CACNA1G: variants seen among roughly 807,000 people sequenced by gnomAD.
CACNA1G encodes calcium voltage-gated channel subunit alpha1 G.
Under a neutral mutation model 219.4 loss-of-function variants are expected in CACNA1G, and 67 were observed. That is an observed-to-expected ratio of 0.31 (90% CI 0.25 to 0.37). The LOEUF (loss-of-function observed/expected upper bound fraction) is 0.37. Ranked by LOEUF, CACNA1G falls within the 10% of genes least tolerant of loss-of-function variation. The pLI, the probability that CACNA1G is intolerant of heterozygous loss-of-function variation, is 1.00. For missense variants in CACNA1G, 2,380 were observed against 3,231.4 expected, an observed-to-expected ratio of 0.74 and a Z score of 6.39; for synonymous variants, 1,296 against 1,345.3, an observed-to-expected ratio of 0.96 and a Z score of 0.80.
At chr17:50,615,235 G>T in intron 26 of CACNA1G, 126 bp from the exon 27 acceptor site, 1 of 963,654 alleles carries the variant, frequency 1.0e-6, no homozygotes, top group East Asian at 2.8e-5. Context: ...GGAGGGCGAG[G>T]ATGGTGATGA....
chr17:50,595,497 C>A (rs1340685418), intron 14 of CACNA1G, among the ~76,000 whole-genome samples: 1 of 152,274 alleles, frequency 6.6e-6, no homozygotes, highest in East Asian at 1.9e-4. Flanking sequence ...GCCCCAGGCC[C>A]CTGTTGGAGA....
intron 26 of CACNA1G, among the ~76,000 whole-genome samples, chr17:50,613,583 C>T (rs918168127): frequency 6.6e-6 from 1 of 152,240 alleles, no homozygotes. Context: ...GCAACTCTCC[C>T]AGCCTCTCCT....
intron 26 of CACNA1G, among the ~76,000 whole-genome samples, chr17:50,615,146 G>A (rs1403786580): frequency 6.6e-6 from 1 of 152,152 alleles, no homozygotes; most frequent in Non-Finnish European, 1.5e-5. Flanking sequence ...GATCCATCCT[G>A]CCCTCAACTG....
rs2044317484 is a variant in CACNA1G at position 50,591,424 on chromosome 17, C to G, written c.2454-11C>G. 6.5e-7 allele frequency: 1 copy of G among 1,540,318 alleles called. No individual in the cohort carries two copies. The highest frequency in any genetic ancestry group is 8.7e-7 in the Non-Finnish European group (1 of 1,144,638). ...GGTGCAGGGGGCTCAGGCTGCCTGCCCCCTTTGCAGCGTGTGGGAGATCGT... is the reference window on the plus strand; with the variant it reads ...GGTGCAGGGGGCTCAGGCTGCCTGCGCCCTTTGCAGCGTGTGGGAGATCGT... On this transcript the variant is annotated splice_polypyrimidine_tract_variant and intron_variant, in intron 10 of 37. Coordinates refer to ENST00000359106, the MANE Select transcript of CACNA1G (RefSeq NM_018896.5).
At chr17:50,583,682 T>TGGGGGGGGGGGGGGGGGGGGGG (rs1568030686) in intron 9 of CACNA1G, among the ~76,000 whole-genome samples, 1 of 43,998 alleles carries the variant, frequency 2.3e-5, no homozygotes, top group Non-Finnish European at 4.8e-5. Flanking sequence ...AGGTGGGAGA[T>TGGGGGGGGGGGGGGGGGGGGGG]GGAGGGGTGG....
intron 19 of CACNA1G, 35 bp from the exon 20 acceptor site, chr17:50,602,785 C>T: frequency 6.2e-7 from 1 of 1,607,074 alleles, no homozygotes; most frequent in Non-Finnish European, 8.5e-7. Flanking sequence ...GTGGGGGCTT[C>T]CTGGCGGGCA....
Position 50,578,155 on chromosome 17 carries a change from C to G in CACNA1G, c.1925-33C>G, listed in dbSNP as rs991451794. The G allele has an allele frequency of 6.6e-6, 10 of 1,515,082 alleles. No individual in the cohort carries two copies. Among genetic ancestry groups the G allele is most frequent in the Non-Finnish European group, 8.8e-6 (10 of 1,134,526 alleles). The allele number at this position is 1,515,082 out of a possible 1,614,324, so 93.9% of individuals were successfully genotyped here. A position where few individuals can be genotyped will look rare whatever the true frequency, so the allele number is the denominator to read the frequency against. ...GCAGGGTAGCCCCAGGTACGAGACT[C>G]TGGAGCCTCTCACCTCTACTCTCCT... On this transcript the variant is annotated intron_variant, in intron 8 of 37. Transcript: ENST00000359106. The surrounding 1 kb of genome is among the most constrained non-coding windows in gnomAD (Gnocchi z 4.5).
intron 34 of CACNA1G, among the ~76,000 whole-genome samples, chr17:50,620,889 G>A (rs1372477041): frequency 1.3e-5 from 2 of 152,242 alleles, no homozygotes; most frequent in Admixed American, 6.5e-5. Flanking sequence ...AAGAGGACAC[G>A]ATGGGAAGGT....
In CACNA1G at chr17:50,618,366, G is replaced by C. The variant is rs762027169; in HGVS notation, c.5427+23G>C. 5.0e-6 allele frequency: 8 copies of C among 1,608,150 alleles called. No homozygotes were observed. Among genetic ancestry groups the C allele is most frequent in the Non-Finnish European group, 6.8e-6 (8 of 1,175,930 alleles). ...AAGGTAAGGGCCCAGGGTTGGCCTA[G>C]GCTCCAGGGAGGCAGCCCCACTTCC... On this transcript the variant is annotated intron_variant, in intron 32 of 37. Coordinates refer to ENST00000359106, the MANE Select transcript of CACNA1G (RefSeq NM_018896.5). The surrounding 1 kb of genome is among the most constrained non-coding windows in gnomAD (Gnocchi z 5.3).
At position 50,599,745 on chromosome 17, in the gene CACNA1G, T is replaced by C. The variant is rs752727938; in HGVS notation, c.3576T>C (p.Ser1192=). The C allele has an allele frequency of 2.5e-6, 4 of 1,613,662 alleles. No homozygotes were observed. In the South Asian group the frequency reaches 4.4e-5, roughly 18 times the overall value. Reference sequence around the variant, plus strand: ...ATCGCACTGCCAGTGGCCGAGGGTCTGCTTCTGAGCACCAGGACTGCAATG... The same window carrying C: ...ATCGCACTGCCAGTGGCCGAGGGTCCGCTTCTGAGCACCAGGACTGCAATG... ...GLHRTASGRG[S]ASEHQDCNGK... is the part of the protein sequence containing the mutation. Residue 1192 remains serine (S), a synonymous_variant, in exon 17 of 38, where the codon TCT becomes TCC. Coordinates refer to ENST00000359106, the MANE Select transcript of CACNA1G (RefSeq NM_018896.5).
At chr17:50,563,198 C>T (rs536518621) in intron 1 of CACNA1G, 2 of 152,418 alleles carry the variant, frequency 1.3e-5, no homozygotes, top group Admixed American at 6.5e-5. Context: ...TCCTCTACAC[C>T]TTGTGGGTCT....
At chr17:50,574,289 A>C (rs1375060713) in intron 7 of CACNA1G, among the ~76,000 whole-genome samples, 1 of 152,240 alleles carries the variant, frequency 6.6e-6, no homozygotes, top group Non-Finnish European at 1.5e-5. Context: ...ATTGAGAGAA[A>C]GAGATTAAGA....
At chr17:50,590,417 G>A in intron 9 of CACNA1G, 54 bp from the exon 10 acceptor site, 1 of 1,601,828 alleles carries the variant, frequency 6.2e-7, no homozygotes, top group Non-Finnish European at 8.5e-7. Flanking sequence ...TGGAGGACTG[G>A]ATCGAGGGGC....
Position 50,624,463 on chromosome 17 carries a change from G to C in CACNA1G, c.6333G>C (p.Trp2111Cys). 1 of 1,601,198 alleles carries C rather than the reference G, an allele frequency of 6.2e-7. No individual in the cohort carries two copies. The highest frequency in any genetic ancestry group is 8.5e-7 in the Non-Finnish European group (1 of 1,174,604). The stretch of plus-strand genomic sequence containing the variant: ...TCCAGCCCCACAGCGCCCCAACCTG[G>C]GGCACCATCCCCAAACTGCCCCCAC... ...HLLQPHSAPTWGTIPKLPPPG... is the reference protein window; with the variant it reads ...HLLQPHSAPTCGTIPKLPPPG... Residue 2111 changes from tryptophan (W) to cysteine (C), a missense_variant, in exon 37 of 38, where the codon TGG becomes TGC. Physicochemically the swap from Trp to Cys is radical, Grantham distance 215. Around this residue, in one of 17 missense-constraint regions of CACNA1G, gnomAD observed 672 missense variants for 670.5 expected, o/e 1.00. Transcript: ENST00000359106.
At chr17:50,625,041 C>T (rs1397523604) in intron 37 of CACNA1G, among the ~76,000 whole-genome samples, 3 of 151,868 alleles carry the variant, frequency 2.0e-5, no homozygotes, top group Non-Finnish European at 2.9e-5. Flanking sequence ...CAACCTCCGC[C>T]TCCTGGGTTC....
In CACNA1G at chr17:50,603,963, T is replaced by C. The variant is rs1206502947; in HGVS notation, c.4170-192T>C. Among the ~76,000 whole-genome samples the C allele has an allele frequency of 6.6e-6, 1 of 152,206 alleles. No individual in the cohort carries two copies. ...GGTGGAGATGTGGGGCATGGGGATC[T>C]CTGCCACTTGTTTTGAGAGATTACA... On this transcript the variant is annotated intron_variant, in intron 21 of 37. Coordinates refer to ENST00000359106, the MANE Select transcript of CACNA1G (RefSeq NM_018896.5). The surrounding 1 kb of genome is among the most constrained non-coding windows in gnomAD (Gnocchi z 6.4).
chr17:50,622,542 T>C (rs1312508652), intron 35 of CACNA1G, among the ~76,000 whole-genome samples: 8 of 152,028 alleles, frequency 5.3e-5, no homozygotes, highest in Admixed American at 5.2e-4. Flanking sequence ...AGCCTGGGGC[T>C]GAGAGGGGAA....
intron 34 of CACNA1G, 31 bp downstream of exon 34, chr17:50,619,857 CCTGACCGTGCTGGGCTGTGCCACG>C: frequency 6.3e-7 from 1 of 1,579,060 alleles, no homozygotes; most frequent in Non-Finnish European, 8.6e-7. Context: ...TGCCCTCTCC[CCTGACCGTGCTGGGCTGTGCCACG>C]CTGTGCCATG....
chr17:50,613,452 G>T (rs1306250073), intron 26 of CACNA1G, among the ~76,000 whole-genome samples: 3 of 152,092 alleles, frequency 2.0e-5, no homozygotes, highest in African/African-American at 7.2e-5. Context: ...GAGGGTCCCG[G>T]CTGAATTGAA....
Sources: gnomAD v4.1 joint callset for allele counts (sites outside exome capture counted in the v4.1 genomes callset) on GRCh38, gnomAD v4.1.1 for gene constraint, gnomAD v4.1.1 regional missense constraint, Gnocchi (gnomAD v3.1) non-coding constraint, MANE v1.5 for transcripts, NCBI Gene and HGNC (gene_info 2026-07-23, HGNC 2026-07-21) for gene names.